VSTM5: variants seen among roughly 807,000 people sequenced by gnomAD.
VSTM5 encodes the protein V-set and transmembrane domain-containing protein 5.
Under a neutral mutation model 20.3 loss-of-function variants are expected in VSTM5, and 21 were observed. The ratio of observed to expected loss-of-function variants is 1.03; its 90% CI spans 0.73 to 1.49. The LOEUF (loss-of-function observed/expected upper bound fraction) is 1.49. Ranked by LOEUF, VSTM5 falls within the 40% of genes most tolerant of loss-of-function variation. VSTM5 has a pLI of 0.00. For synonymous variants in VSTM5, 100 were observed against 102.5 expected (o/e 0.98, Z 0.14); for missense variants, 219 against 250.0 (o/e 0.88, Z 0.84).
chr11:93,839,298 G>A (rs1270345954), intron 1 of VSTM5, among the ~76,000 whole-genome samples: 2 of 152,216 alleles, frequency 1.3e-5, no homozygotes, highest in Non-Finnish European at 2.9e-5. Context: ...CTGGGCTCCC[G>A]TGGCCCAGGG....
At chr11:93,832,133 C>G (rs1269912977) in intron 1 of VSTM5, among the ~76,000 whole-genome samples, 2 of 152,172 alleles carry the variant, frequency 1.3e-5, no homozygotes, top group African/African-American at 4.8e-5. Context: ...TCAATTGTAG[C>G]AGCAAAAGAC....
At chr11:93,838,691 G>T (rs1412826910) in intron 1 of VSTM5, among the ~76,000 whole-genome samples, 3 of 151,954 alleles carry the variant, frequency 2.0e-5, no homozygotes, top group Non-Finnish European at 2.9e-5. Flanking sequence ...CAGCTACTGG[G>T]GAGGCTTAGA....
At chr11:93,820,964 C>A (rs1944177620) in intron 2 of VSTM5, 33 bp downstream of exon 2, 2 of 1,550,872 alleles carry the variant, frequency 1.3e-6, no homozygotes, top group African/African-American at 1.4e-5. Context: ...ATTCACAGTT[C>A]AGAGGGGTGC....
At chr11:93,847,565 A>G (rs866381290) in intron 1 of VSTM5, among the ~76,000 whole-genome samples, 1 of 152,260 alleles carries the variant, frequency 6.6e-6, no homozygotes, top group African/African-American at 2.4e-5. Flanking sequence ...ATTGGAAAAA[A>G]GCAAGTTGAT....
intron 1 of VSTM5, among the ~76,000 whole-genome samples, chr11:93,841,829 C>T (rs544881124): frequency 6.6e-6 from 1 of 152,162 alleles, no homozygotes; most frequent in East Asian, 1.9e-4. Context: ...ATTAACAGAA[C>T]CAGGGTCAAT....
intron 1 of VSTM5, among the ~76,000 whole-genome samples, chr11:93,840,186 T>C (rs1411107986): frequency 6.6e-6 from 1 of 152,262 alleles, no homozygotes; most frequent in Admixed American, 6.5e-5. Context: ...CTGTGGCTTT[T>C]ATTTCCAGAA....
intron 1 of VSTM5, among the ~76,000 whole-genome samples, chr11:93,825,977 C>T (rs778729346): frequency 4.6e-5 from 7 of 151,400 alleles, no homozygotes; most frequent in African/African-American, 9.7e-5. Flanking sequence ...TGGCTCACGT[C>T]TGTAATCCCA....
intron 2 of VSTM5, 52 bp downstream of exon 2, chr11:93,820,945 C>T: frequency 1.3e-6 from 2 of 1,550,654 alleles, no homozygotes; most frequent in African/African-American, 1.4e-5. Flanking sequence ...TGAAATTGGC[C>T]TCCCACACAT....
intron 1 of VSTM5, among the ~76,000 whole-genome samples, chr11:93,839,278 G>A (rs1944350665): frequency 6.6e-6 from 1 of 152,242 alleles, no homozygotes; most frequent in Non-Finnish European, 1.5e-5. Flanking sequence ...CTGTCGGGCA[G>A]CAGGAGAGAC....
At chr11:93,849,292 G>A (rs956417998) in intron 1 of VSTM5, among the ~76,000 whole-genome samples, 1 of 152,020 alleles carries the variant, frequency 6.6e-6, no homozygotes, top group Admixed American at 6.6e-5. Context: ...CCAGTAGCTG[G>A]GCCTACAGGC....
At chr11:93,837,690 A>G (rs1380907058) in intron 1 of VSTM5, among the ~76,000 whole-genome samples, 3 of 152,074 alleles carry the variant, frequency 2.0e-5, no homozygotes, top group African/African-American at 7.2e-5. Flanking sequence ...CAGTATGCCG[A>G]ATGCTTAGCA....
Position 93,850,591 on chromosome 11 carries a change from G to T in VSTM5, c.-89C>A. ...CAGCCTTCTCTCTTCCTCCGCCTCT[G>T]GCTGCCGCAGGTTCTTTAGGGCCAG... On this transcript the variant is annotated 5_prime_UTR_variant, in exon 1 of 4. Coordinates refer to ENST00000409977, the MANE Select transcript of VSTM5 (RefSeq NM_001144871.2). 1.1e-6 allele frequency: 1 copy of T among 876,160 alleles called. No individual in the cohort carries two copies. The highest frequency in any genetic ancestry group is 1.6e-6 in the Non-Finnish European group (1 of 630,796). 54.3% of individuals were successfully genotyped at this position (876,160 alleles called of 1,614,324 possible). A position where few individuals can be genotyped will look rare whatever the true frequency, so the allele number is the denominator to read the frequency against.
At chr11:93,823,204 CTT>C (rs67984385) in intron 1 of VSTM5, among the ~76,000 whole-genome samples, 19 of 148,688 alleles carry the variant, frequency 1.3e-4, no homozygotes, top group African/African-American at 1.5e-4. Flanking sequence ...TTTTCCTTTT[CTT>C]TTTTTTTTTG....
At chr11:93,833,549 C>G (rs1414073209) in intron 1 of VSTM5, among the ~76,000 whole-genome samples, 1 of 152,216 alleles carries the variant, frequency 6.6e-6, no homozygotes, top group South Asian at 2.1e-4. Flanking sequence ...CTGGGTGACA[C>G]AGTGAGACCC....
At chr11:93,843,603 A>T (rs1437262275) in intron 1 of VSTM5, among the ~76,000 whole-genome samples, 2 of 152,194 alleles carry the variant, frequency 1.3e-5, no homozygotes, top group Non-Finnish European at 2.9e-5. Context: ...CAGCTGTTAC[A>T]GTGCCTGTCA....
chr11:93,840,109 ACTTCTAGC>A (rs1258609888), intron 1 of VSTM5, among the ~76,000 whole-genome samples: 1 of 152,164 alleles, frequency 6.6e-6, no homozygotes, highest in Non-Finnish European at 1.5e-5. Context: ...TTGATCCCAG[ACTTCTAGC>A]CTTTAGAACT....
At chr11:93,824,333 C>T (rs1944215456) in intron 1 of VSTM5, among the ~76,000 whole-genome samples, 1 of 152,098 alleles carries the variant, frequency 6.6e-6, no homozygotes. Context: ...ACATTTGTCA[C>T]CTTGTCTTTT....
Position 93,829,264 on chromosome 11 carries a change from C to T in VSTM5, c.92-7941G>A, listed in dbSNP as rs113840172. Among the ~76,000 whole-genome samples the T allele has an allele frequency of 2.0e-3, 302 of 152,314 alleles. 3 individuals are homozygous for T. The highest frequency in any genetic ancestry group is 6.9e-3 in the African/African-American group (287 of 41,562). On this transcript the variant is annotated intron_variant, in intron 1 of 3. Coordinates refer to ENST00000409977, the MANE Select transcript of VSTM5 (RefSeq NM_001144871.2). ...AGAGTTGATCACTTGTGGTGGCTCA[C>T]GCCTGTAATCCCAGCATTTTGGGAG...
chr11:93,825,055 T>A (rs1944221111), intron 1 of VSTM5, among the ~76,000 whole-genome samples: 1 of 152,224 alleles, frequency 6.6e-6, no homozygotes, highest in African/African-American at 2.4e-5. Context: ...CCATTTCAAT[T>A]TACTATAGCT....
Sources: gnomAD v4.1 joint callset for allele counts (sites outside exome capture counted in the v4.1 genomes callset) on GRCh38, gnomAD v4.1.1 for gene constraint, MANE v1.5 for transcripts, NCBI Gene and HGNC (gene_info 2026-07-23, HGNC 2026-07-21) for gene names.